CA12: variants seen among roughly 807,000 people sequenced by gnomAD.
The protein encoded by CA12 is carbonic anhydrase 12.
Under a neutral mutation model 46.8 loss-of-function variants are expected in CA12, and 36 were observed. The observed-to-expected ratio is 0.77, with a 90% confidence interval of 0.59 to 1.02. The LOEUF is 1.02. Ranked by LOEUF, CA12 falls within the 50% of genes least tolerant of loss-of-function variation. CA12 has a pLI of 0.00. For missense variants in CA12, 436 were observed against 451.4 expected (o/e 0.97, Z 0.31); for synonymous variants, 202 against 187.0 (o/e 1.08, Z -0.65).
At position 63,380,229 on chromosome 15, in the gene CA12, A is replaced by C. The variant is rs538783587; in HGVS notation, c.85+1407T>G. The stretch of plus-strand genomic sequence containing the variant: ...TTGACTACAAACTTCCCCAGTCCCA[A>C]CTTGGAGAATTGGGAGAGGAGATAA... On this transcript the variant is annotated intron_variant, in intron 1 of 10. Transcript: ENST00000178638. 4.1e-4 allele frequency among the ~76,000 whole-genome samples: 62 copies of C among 152,250 alleles called. 1 individual carries two copies. The highest frequency in any genetic ancestry group is 6.3e-4 in the Non-Finnish European group (43 of 67,998).
In CA12 at chr15:63,345,593, G is replaced by A. The variant is rs2039136585; in HGVS notation, c.313C>T (p.His105Tyr). The change falls in exon 4 of 11, where the codon CAC (histidine) becomes TAC (tyrosine). Residue 105 changes from histidine (H) to tyrosine (Y), a missense_variant. Transcript: ENST00000178638. This position sits in a 1 kb window ranked among gnomAD's most constrained non-coding sequence, Gnocchi z 4.3. Reference sequence around the variant, plus strand: ...TAGCGAGACTGGAGGCCCTGGATGTGCATGTCCGAGGGCAGGTTCAGCTTC... The same window carrying A: ...TAGCGAGACTGGAGGCCCTGGATGTACATGTCCGAGGGCAGGTTCAGCTTC... ...SVKLNLPSDM[H>Y]IQGLQSRYSA... 1.9e-6 allele frequency: 3 copies of A among 1,613,022 alleles called. No homozygotes were observed. Among genetic ancestry groups the A allele is most frequent in the East Asian group, 2.2e-5 (1 of 44,894 alleles).
rs993291299 is a variant in CA12 at position 63,339,568 on chromosome 15, C to T, written c.748-623G>A. Among the ~76,000 whole-genome samples the T allele has an allele frequency of 3.3e-5, 5 of 152,232 alleles. No homozygotes were observed. Among genetic ancestry groups the T allele is most frequent in the Admixed American group, 1.3e-4 (2 of 15,278 alleles). On this transcript the variant is annotated intron_variant, in intron 7 of 10. Coordinates refer to ENST00000178638, the MANE Select transcript of CA12 (RefSeq NM_001218.5). The surrounding 1 kb of genome is among the most constrained non-coding windows in gnomAD (Gnocchi z 4.3). ...CTGCCATTTACCAGGTGACTCAGAG[C>T]AGAAGCTTACTGTAAAGAGGAGCAG... is the stretch of plus-strand genomic sequence containing the variant.
intron 2 of CA12, among the ~76,000 whole-genome samples, chr15:63,347,828 G>A (rs1464864897): frequency 6.6e-6 from 1 of 152,170 alleles, no homozygotes; most frequent in African/African-American, 2.4e-5. Flanking sequence ...ATCAAGCTTT[G>A]CCATCTGGGG....
intron 2 of CA12, among the ~76,000 whole-genome samples, chr15:63,365,297 C>CA (rs1377532428): frequency 1.3e-5 from 2 of 152,248 alleles, no homozygotes; most frequent in East Asian, 1.9e-4. Flanking sequence ...ATTTACTCTT[C>CA]AAAAAAAATC....
Position 63,339,053 on chromosome 15 carries a change from A to T in CA12, c.748-108T>A. 2 of 1,401,618 alleles carry T rather than the reference A, an allele frequency of 1.4e-6. No individual in the cohort carries two copies. 86.8% of individuals were successfully genotyped at this position (1,401,618 alleles called of 1,614,324 possible). A position where few individuals can be genotyped will look rare whatever the true frequency, so the allele number is the denominator to read the frequency against. On this transcript the variant is annotated intron_variant, in intron 7 of 10. Coordinates refer to ENST00000178638, the MANE Select transcript of CA12 (RefSeq NM_001218.5). This position sits in a 1 kb window ranked among gnomAD's most constrained non-coding sequence, Gnocchi z 4.3. Reference sequence around the variant, plus strand: ...GCACCTGGGAGAAGCCTCTGGAACCAGCTTCTGTGGGGCCGGGTGGGAGAT... The same window carrying T: ...GCACCTGGGAGAAGCCTCTGGAACCTGCTTCTGTGGGGCCGGGTGGGAGAT...
chr15:63,325,972 T>G lies in CA12; in HGVS notation c.*313A>C. The stretch of plus-strand genomic sequence containing the variant: ...CCCGGATGAAAGTGTTTTCCAACCA[T>G]TAATGGCCCACCAGCATGGCTTGGT... On this transcript the variant is annotated 3_prime_UTR_variant, in exon 11 of 11. Transcript: ENST00000178638. This position sits in a 1 kb window ranked among gnomAD's most constrained non-coding sequence, Gnocchi z 4.9. The G allele has an allele frequency of 2.6e-6, 1 of 387,810 alleles. No homozygotes were observed. Among genetic ancestry groups the G allele is most frequent in the Non-Finnish European group, 4.9e-6 (1 of 205,726 alleles). 24.0% of individuals were successfully genotyped at this position (387,810 alleles called of 1,614,324 possible).
intron 4 of CA12, among the ~76,000 whole-genome samples, chr15:63,343,525 C>T (rs999150129): frequency 6.6e-6 from 1 of 152,028 alleles, no homozygotes; most frequent in Non-Finnish European, 1.5e-5. Context: ...CGGTGATCCA[C>T]CCGTCTCAGC....
At chr15:63,369,866 G>A (rs1055585379) in intron 2 of CA12, among the ~76,000 whole-genome samples, 1 of 152,174 alleles carries the variant, frequency 6.6e-6, no homozygotes, top group Non-Finnish European at 1.5e-5. Context: ...ACTAATGCTA[G>A]CTTCCCTATG....
At chr15:63,349,365 G>A (rs2039195996) in intron 2 of CA12, among the ~76,000 whole-genome samples, 4 of 152,220 alleles carry the variant, frequency 2.6e-5, no homozygotes, top group Admixed American at 2.6e-4. Flanking sequence ...CTTCGGGAAT[G>A]AGGGCACAGG....
rs775747456 is a variant in CA12 at position 63,327,119 on chromosome 15, C to T, written c.992+30G>A. ...TAATCATCATGGACACATAGCTGTC[C>T]ATTCCCATTTTGGACCCAAACCAGC... On this transcript the variant is annotated intron_variant, in intron 10 of 10. Transcript: ENST00000178638. The surrounding 1 kb of genome is among the most constrained non-coding windows in gnomAD (Gnocchi z 4.5). 1.3e-6 allele frequency: 2 copies of T among 1,581,748 alleles called. No homozygotes were observed. Among genetic ancestry groups the T allele is most frequent in the Non-Finnish European group, 1.7e-6 (2 of 1,150,676 alleles).
Position 63,343,299 on chromosome 15 carries a change from T to TTTTTC in CA12, c.430-1203_430-1202insGAAAA, listed in dbSNP as rs745693866. ...AGAATCTTTTTTTTTTTTTTTTTTT[T>TTTTTC]TAATGGAGTTTCGCTCTTGTTGCCC... On this transcript the variant is annotated intron_variant, in intron 4 of 10. Transcript: ENST00000178638. Among the ~76,000 whole-genome samples, 199 of 147,454 alleles carry TTTTTC rather than the reference T, an allele frequency of 1.3e-3. 3 individuals are homozygous for TTTTTC. Among genetic ancestry groups the TTTTTC allele is most frequent in the Non-Finnish European group, 2.1e-3 (141 of 66,452 alleles).
chr15:63,330,498 A>G lies in CA12; in HGVS notation c.875-2368T>C, dbSNP rs1407486108. The stretch of plus-strand genomic sequence containing the variant: ...CTGAAGACTATTACTAGGAAGCCTT[A>G]CCACCTGGCTAAGCCATCCAGGCTG... On this transcript the variant is annotated intron_variant, in intron 8 of 10. Coordinates refer to ENST00000178638, the MANE Select transcript of CA12 (RefSeq NM_001218.5). The surrounding 1 kb of genome is among the most constrained non-coding windows in gnomAD (Gnocchi z 4.0). 6.6e-6 allele frequency among the ~76,000 whole-genome samples: 1 copy of G among 152,194 alleles called. No individual in the cohort carries two copies. Among genetic ancestry groups the G allele is most frequent in the African/African-American group, 2.4e-5 (1 of 41,440 alleles).
intron 2 of CA12, among the ~76,000 whole-genome samples, chr15:63,370,413 A>C (rs1380657141): frequency 6.7e-6 from 1 of 149,152 alleles, no homozygotes; most frequent in Non-Finnish European, 1.5e-5. Context: ...GTGCCACTGC[A>C]CTCCAGCCTG....
Position 63,340,925 on chromosome 15 carries a change from G to C in CA12, c.526-142C>G. On this transcript the variant is annotated intron_variant, in intron 5 of 10. Transcript: ENST00000178638. This position sits in a 1 kb window ranked among gnomAD's most constrained non-coding sequence, Gnocchi z 4.4. ...TCCACTTTACTGGACAATTATGATG[G>C]ATCACTAGGCTCTTGGGAGTTAGTG... 1 of 731,504 alleles carries C rather than the reference G, an allele frequency of 1.4e-6. No homozygotes were observed. The highest frequency in any genetic ancestry group is 2.5e-6 in the Non-Finnish European group (1 of 401,334). The allele number at this position is 731,504 out of a possible 1,614,324, so 45.3% of individuals were successfully genotyped here. A position where few individuals can be genotyped will look rare whatever the true frequency, so the allele number is the denominator to read the frequency against.
chr15:63,327,238 T>G lies in CA12; in HGVS notation c.908-5A>C, dbSNP rs780108078. The G allele has an allele frequency of 6.2e-7, 1 of 1,612,652 alleles. No homozygotes were observed. The highest frequency in any genetic ancestry group is 8.5e-7 in the Non-Finnish European group (1 of 1,178,968). ...GGGCCAGTGAGAGGATGATGCCTGGTGAAGAGGTAGAGGGCACACATTACA... is the reference window on the plus strand; with the variant it reads ...GGGCCAGTGAGAGGATGATGCCTGGGGAAGAGGTAGAGGGCACACATTACA... On this transcript the variant is annotated splice_region_variant and splice_polypyrimidine_tract_variant and intron_variant, in intron 9 of 10. Transcript: ENST00000178638. This position sits in a 1 kb window ranked among gnomAD's most constrained non-coding sequence, Gnocchi z 4.5.
intron 1 of CA12, among the ~76,000 whole-genome samples, chr15:63,376,600 T>TTCTTTTCTTTCTTTC (rs10623502): frequency 7.5e-6 from 1 of 134,094 alleles, no homozygotes; most frequent in Non-Finnish European, 1.6e-5. Flanking sequence ...CTTTCTTTCT[T>TTCTTTTCTTTCTTTC]TCTCTCTCTC....
At chr15:63,326,381 T>C (rs183757040) in intron 10 of CA12, 24 bp from the exon 11 acceptor site, 2 of 1,596,274 alleles carry the variant, frequency 1.3e-6, no homozygotes, top group African/African-American at 2.7e-5. Flanking sequence ...AACACATAAC[T>C]CTTGTTAGAG....
chr15:63,321,602 G>A lies in CA12; in HGVS notation c.*4683C>T, dbSNP rs1327092616. The A allele has an allele frequency of 6.6e-6, 1 of 152,252 alleles. No individual in the cohort carries two copies. The highest frequency in any genetic ancestry group is 2.4e-5 in the African/African-American group (1 of 41,472). The allele number at this position is 152,252 out of a possible 1,614,324, so 9.4% of individuals were successfully genotyped here. Reference sequence around the variant, plus strand: ...TCCAGTGTGGATGGCAGCCCGGCTGGAACGCACTGGCAGGTGGTCCCTGTG... The same window carrying A: ...TCCAGTGTGGATGGCAGCCCGGCTGAAACGCACTGGCAGGTGGTCCCTGTG... On this transcript the variant is annotated 3_prime_UTR_variant, in exon 11 of 11. Coordinates refer to ENST00000178638, the MANE Select transcript of CA12 (RefSeq NM_001218.5). The surrounding 1 kb of genome is among the most constrained non-coding windows in gnomAD (Gnocchi z 4.5).
At chr15:63,381,009 T>C (rs2039637022) in intron 1 of CA12, among the ~76,000 whole-genome samples, 1 of 52,158 alleles carries the variant, frequency 1.9e-5, no homozygotes, top group Non-Finnish European at 4.5e-5. Flanking sequence ...ATCAGAAATA[T>C]GCTGTGTGTG....
Sources: gnomAD v4.1 joint callset for allele counts (sites outside exome capture counted in the v4.1 genomes callset) on GRCh38, gnomAD v4.1.1 for gene constraint, Gnocchi (gnomAD v3.1) non-coding constraint, MANE v1.5 for transcripts, NCBI Gene and HGNC (gene_info 2026-07-23, HGNC 2026-07-21) for gene names.